Variants in CGAS observed in about 807,000 individuals in gnomAD.
CGAS encodes 2'3'-cGAMP synthase.
A neutral mutation model predicts 34.0 loss-of-function variants in CGAS; 31 were observed. The ratio of observed to expected loss-of-function variants is 0.91; its 90% CI spans 0.69 to 1.23. The LOEUF is 1.23. CGAS is among the 50% of genes most tolerant of loss of function. The pLI is 0.00. For missense variants in CGAS, 597 were observed against 657.6 expected (o/e 0.91, Z 1.01); for synonymous variants, 266 against 260.0 (o/e 1.02, Z -0.22).
chr6:73,436,633 T>C (rs2150812462), intron 3 of CGAS, among the ~76,000 whole-genome samples: 1 of 152,014 alleles, frequency 6.6e-6, no homozygotes, highest in South Asian at 2.1e-4. Context: ...AGTGATCCCC[T>C]GACATCAGCC....
chr6:73,427,102 G>A (rs775078741), intron 4 of CGAS, among the ~76,000 whole-genome samples: 4 of 151,264 alleles, frequency 2.6e-5, no homozygotes, highest in African/African-American at 4.9e-5. Context: ...TACCTGCCTC[G>A]GCCTCCCAAA....
Position 73,440,979 on chromosome 6 carries a change from G to A in CGAS, c.878-534C>T, listed in dbSNP as rs73450651. On this transcript the variant is annotated intron_variant, in intron 2 of 4. Coordinates refer to ENST00000370315, the MANE Select transcript of CGAS (RefSeq NM_138441.3). ...CATTGGGAGGCATTGTCAAGATGGT[G>A]TGGGGCATATATGATGAAGGGGTCT... is the stretch of plus-strand genomic sequence containing the variant. Among the ~76,000 whole-genome samples the A allele has an allele frequency of 2.2e-3, 339 of 152,210 alleles. 1 individual carries two copies. The highest frequency in any genetic ancestry group is 7.6e-3 in the African/African-American group (317 of 41,550).
chr6:73,429,143 T>C (rs1770139551), intron 3 of CGAS, among the ~76,000 whole-genome samples: 2 of 149,918 alleles, frequency 1.3e-5, no homozygotes, highest in African/African-American at 4.9e-5. Flanking sequence ...TGAGCCGAGA[T>C]TGCACCATTG....
At chr6:73,438,604 G>A (rs1770315427) in intron 3 of CGAS, among the ~76,000 whole-genome samples, 1 of 150,318 alleles carries the variant, frequency 6.7e-6, no homozygotes, top group Non-Finnish European at 1.5e-5. Context: ...GCTGAGGCAG[G>A]AGAATCGCTT....
intron 4 of CGAS, among the ~76,000 whole-genome samples, chr6:73,426,301 TAA>T (rs1770085452): frequency 5.4e-5 from 8 of 147,314 alleles, no homozygotes; most frequent in African/African-American, 1.0e-4. Flanking sequence ...TAAAATAAAA[TAA>T]AATAAAATAA....
chr6:73,425,917 T>G (rs1169554909), intron 4 of CGAS, among the ~76,000 whole-genome samples: 1 of 152,008 alleles, frequency 6.6e-6, no homozygotes, highest in Non-Finnish European at 1.5e-5. Context: ...GAGGTTGCAG[T>G]GAGCCAAGAT....
intron 4 of CGAS, among the ~76,000 whole-genome samples, chr6:73,428,067 T>G (rs1004445737): frequency 2.6e-5 from 4 of 152,010 alleles, no homozygotes; most frequent in African/African-American, 9.7e-5. Flanking sequence ...ACAAAATTTT[T>G]TTTTAAATTA....
chr6:73,430,907 G>A (rs952493484), intron 3 of CGAS, among the ~76,000 whole-genome samples: 3 of 151,810 alleles, frequency 2.0e-5, no homozygotes, highest in Non-Finnish European at 2.9e-5. Context: ...TTCAAGAGCA[G>A]CCTGGCAAAC....
intron 3 of CGAS, chr6:73,440,005 T>G: frequency 1.9e-6 from 1 of 516,432 alleles, no homozygotes; most frequent in Non-Finnish European, 3.4e-6. Flanking sequence ...TTGCTAGACA[T>G]TTTAAAGCTG....
intron 1 of CGAS, among the ~76,000 whole-genome samples, chr6:73,447,811 A>G (rs753082845): frequency 6.6e-6 from 1 of 152,152 alleles, no homozygotes; most frequent in Non-Finnish European, 1.5e-5. Context: ...TCTTGTTAGT[A>G]TATTGAAATA....
In CGAS at chr6:73,445,220, T is replaced by C. The variant is rs537973281; in HGVS notation, c.877+308A>G. ...TATCCATCAATTTAATAAATATTCATTGATTATTTCATATAATTTAATCAT... is the reference window on the plus strand; with the variant it reads ...TATCCATCAATTTAATAAATATTCACTGATTATTTCATATAATTTAATCAT... On this transcript the variant is annotated intron_variant, in intron 2 of 4. Coordinates refer to ENST00000370315, the MANE Select transcript of CGAS (RefSeq NM_138441.3). Among the ~76,000 whole-genome samples, 346 of 152,042 alleles carry C rather than the reference T, an allele frequency of 2.3e-3. 1 individual carries two copies. The highest frequency in any genetic ancestry group is 8.1e-3 in the African/African-American group (335 of 41,512).
intron 3 of CGAS, among the ~76,000 whole-genome samples, chr6:73,432,357 C>T (rs1770208155): frequency 6.6e-6 from 1 of 151,966 alleles, no homozygotes; most frequent in Non-Finnish European, 1.5e-5. Flanking sequence ...GATGGGGTTT[C>T]ACCATGTTGG....
At chr6:73,449,448 C>G (rs920369310) in intron 1 of CGAS, among the ~76,000 whole-genome samples, 1 of 147,892 alleles carries the variant, frequency 6.8e-6, no homozygotes, top group Non-Finnish European at 1.5e-5. Flanking sequence ...GCACTCCAGC[C>G]TGGGTGACAG....
At chr6:73,449,023 A>G (rs1031325088) in intron 1 of CGAS, among the ~76,000 whole-genome samples, 4 of 151,808 alleles carry the variant, frequency 2.6e-5, no homozygotes, top group Non-Finnish European at 4.4e-5. Flanking sequence ...CGGGAGGCGG[A>G]GGTTACAGTG....
intron 1 of CGAS, among the ~76,000 whole-genome samples, chr6:73,450,848 G>A (rs948138073): frequency 1.5e-4 from 23 of 151,756 alleles, no homozygotes; most frequent in Non-Finnish European, 2.5e-4. Flanking sequence ...AAATTAGCCG[G>A]GCATGGTGGC....
At chr6:73,429,797 G>C (rs1463191194) in intron 3 of CGAS, among the ~76,000 whole-genome samples, 1 of 151,934 alleles carries the variant, frequency 6.6e-6, no homozygotes, top group Admixed American at 6.6e-5. Flanking sequence ...CTGCACTCCA[G>C]CCTGGGCAAC....
Position 73,440,409 on chromosome 6 carries a change from C to A in CGAS, c.914G>T (p.Ser305Ile). 2.5e-6 allele frequency: 4 copies of A among 1,613,992 alleles called. No homozygotes were observed. Among genetic ancestry groups the A allele is most frequent in the Non-Finnish European group, 3.4e-6 (4 of 1,179,992 alleles). The change falls in exon 3 of 5, where the codon AGC becomes ATC. Residue 305 changes from serine (S) to isoleucine (I), a missense_variant. This residue lies in a region of CGAS where 271 missense variants were observed against 324.1 expected (regional missense o/e 0.84). Transcript: ENST00000370315. ...ACTAATAAGAAGTGTTACAGCAGGG[C>A]TCCCTCCTCTTTTCCTCTTCATGAT... ...DVIMKRKRGG[S>I]PAVTLLISEK...
At position 73,428,815 on chromosome 6, in the gene CGAS, A is replaced by G; in HGVS notation, c.1115-4T>C. 6.2e-7 allele frequency: 1 copy of G among 1,606,532 alleles called. No homozygotes were observed. ...AAGGATAGCCGCCATGTTTCTTCTT[A>G]ATTTCAAAAAGAAAAACAAAAAAGC... is the stretch of plus-strand genomic sequence containing the variant. On this transcript the variant is annotated splice_polypyrimidine_tract_variant and splice_region_variant and intron_variant, in intron 3 of 4. Coordinates refer to ENST00000370315, the MANE Select transcript of CGAS (RefSeq NM_138441.3).
At chr6:73,429,028 A>G (rs1165940407) in intron 3 of CGAS, among the ~76,000 whole-genome samples, 1 of 151,952 alleles carries the variant, frequency 6.6e-6, no homozygotes, top group Non-Finnish European at 1.5e-5. Context: ...TCTACCAAAA[A>G]TACAAAAAAA....
Sources: allele counts gnomAD v4.1 joint callset (sites outside exome capture counted in the v4.1 genomes callset), GRCh38; gene constraint gnomAD v4.1.1; regional missense constraint gnomAD v4.1.1; transcripts MANE v1.5; gene names NCBI Gene and HGNC (gene_info 2026-07-23, HGNC 2026-07-21).